FBXL7: variants seen among roughly 807,000 people sequenced by gnomAD.
FBXL7 encodes F-box and leucine rich repeat protein 7, also known as F-box/LRR-repeat protein 7.
FBXL7 carries 12 observed loss-of-function variants against 38.3 expected under a neutral mutation model. That is an observed-to-expected ratio of 0.31 (90% CI 0.20 to 0.51). The LOEUF is 0.51. Ranked by LOEUF, FBXL7 falls within the 20% of genes least tolerant of loss-of-function variation. The probability of loss-of-function intolerance (pLI) is 0.98; values close to 1 mark genes in which losing one functional copy is unlikely to be tolerated. For synonymous variants in FBXL7, 297 were observed against 300.9 expected (o/e 0.99, Z 0.13); for missense variants, 567 against 676.4 (o/e 0.84, Z 1.79).
chr5:15,687,305 T>C (rs1743042390), intron 2 of FBXL7, among the ~76,000 whole-genome samples: 2 of 152,248 alleles, frequency 1.3e-5, no homozygotes, highest in South Asian at 4.1e-4. Flanking sequence ...ACATCTGAGC[T>C]TAACTCTTGG....
chr5:15,878,263 A>G (rs886135498), intron 2 of FBXL7, among the ~76,000 whole-genome samples: 11 of 152,194 alleles, frequency 7.2e-5, no homozygotes, highest in Non-Finnish European at 2.9e-5. Context: ...GCTATAATGG[A>G]AGCTGTTTAG....
chr5:15,511,623 A>G (rs1207344555), intron 1 of FBXL7, among the ~76,000 whole-genome samples: 5 of 152,242 alleles, frequency 3.3e-5, no homozygotes, highest in Non-Finnish European at 5.9e-5. Context: ...AGGCTTCTCC[A>G]TGATTATTTT....
intron 1 of FBXL7, among the ~76,000 whole-genome samples, chr5:15,568,167 G>A (rs1305010959): frequency 9.2e-5 from 14 of 151,722 alleles, no homozygotes; most frequent in Admixed American, 2.6e-4. Context: ...CTGAGGAATC[G>A]CCACACTGAC....
chr5:15,919,955 T>A lies in FBXL7; in HGVS notation c.128-7935T>A, dbSNP rs1311072558. 4.0e-5 allele frequency among the ~76,000 whole-genome samples: 6 copies of A among 151,670 alleles called. No individual in the cohort carries two copies. The East Asian group carries it at 1.2e-3, about 29-fold the overall frequency. On this transcript the variant is annotated intron_variant, in intron 2 of 3. Coordinates refer to ENST00000504595, the MANE Select transcript of FBXL7 (RefSeq NM_012304.5). ...ATGGGACCATGGTGCAGAAAGGAGG[T>A]GGGGTAAAAATATTTGCTTTAGGCC...
intron 2 of FBXL7, among the ~76,000 whole-genome samples, chr5:15,666,396 A>T (rs1383772844): frequency 1.3e-5 from 2 of 152,212 alleles, no homozygotes; most frequent in Non-Finnish European, 2.9e-5. Flanking sequence ...TATATTTACA[A>T]ACTATATTTA....
intron 2 of FBXL7, among the ~76,000 whole-genome samples, chr5:15,860,977 C>T (rs1055659202): frequency 6.6e-6 from 1 of 152,182 alleles, no homozygotes; most frequent in African/African-American, 2.4e-5. Context: ...AGGCTGTCTG[C>T]ACCACACTTT....
chr5:15,885,447 A>T (rs1740637333), intron 2 of FBXL7, among the ~76,000 whole-genome samples: 1 of 152,200 alleles, frequency 6.6e-6, no homozygotes, highest in South Asian at 2.1e-4. Context: ...ACTCCAGGGG[A>T]TGTGATTACA....
chr5:15,809,097 T>C (rs1172713957), intron 2 of FBXL7, among the ~76,000 whole-genome samples: 4 of 152,152 alleles, frequency 2.6e-5, no homozygotes, highest in African/African-American at 7.2e-5. Flanking sequence ...CCACCAATCA[T>C]CATCATGGGA....
chr5:15,932,311 G>A (rs1386477595), intron 3 of FBXL7, among the ~76,000 whole-genome samples: 1 of 152,166 alleles, frequency 6.6e-6, no homozygotes, highest in East Asian at 1.9e-4. Flanking sequence ...CATTGTCGTT[G>A]TATTGTCCTT....
At chr5:15,902,997 G>A (rs926747169) in intron 2 of FBXL7, among the ~76,000 whole-genome samples, 4 of 152,222 alleles carry the variant, frequency 2.6e-5, no homozygotes, top group Non-Finnish European at 5.9e-5. Flanking sequence ...CTGCAAAAGT[G>A]CTTGGGCAGG....
chr5:15,654,726 T>C (rs1178095341), intron 2 of FBXL7, among the ~76,000 whole-genome samples: 1 of 152,182 alleles, frequency 6.6e-6, no homozygotes, highest in Non-Finnish European at 1.5e-5. Flanking sequence ...ATGAGAGATA[T>C]TGTCCAACAT....
chr5:15,770,344 A>G (rs1314054778), intron 2 of FBXL7, among the ~76,000 whole-genome samples: 2 of 152,188 alleles, frequency 1.3e-5, no homozygotes, highest in African/African-American at 4.8e-5. Flanking sequence ...CTTGCCAAGA[A>G]GATAAAGTGA....
chr5:15,688,922 G>A (rs57092120), intron 2 of FBXL7, among the ~76,000 whole-genome samples: 3,901 of 152,266 alleles, frequency 0.026, 100 homozygotes, highest in South Asian at 0.075. Context: ...GGGTGGGAGA[G>A]GAGGAACCCT....
intron 2 of FBXL7, among the ~76,000 whole-genome samples, chr5:15,670,520 G>C (rs896467992): frequency 6.6e-6 from 1 of 152,120 alleles, no homozygotes; most frequent in Admixed American, 6.5e-5. Flanking sequence ...AGTGGAATAG[G>C]CCAGGCGTGG....
intron 2 of FBXL7, among the ~76,000 whole-genome samples, chr5:15,745,319 A>G (rs959728494): frequency 3.6e-4 from 55 of 152,332 alleles, no homozygotes; most frequent in African/African-American, 1.3e-3. Flanking sequence ...CTTTGTATTC[A>G]TGAACATGCT....
intron 2 of FBXL7, among the ~76,000 whole-genome samples, chr5:15,661,864 C>T (rs750726296): frequency 1.3e-5 from 2 of 152,126 alleles, no homozygotes; most frequent in African/African-American, 4.8e-5. Flanking sequence ...AGACATGATC[C>T]TGTTCTTTTT....
intron 2 of FBXL7, among the ~76,000 whole-genome samples, chr5:15,619,911 T>G (rs1740571674): frequency 6.6e-6 from 1 of 152,132 alleles, no homozygotes; most frequent in South Asian, 2.1e-4. Context: ...CACACAGGTG[T>G]TGTCACTTCG....
intron 2 of FBXL7, among the ~76,000 whole-genome samples, chr5:15,704,641 C>G (rs1743626246): frequency 6.6e-6 from 1 of 152,174 alleles, no homozygotes; most frequent in African/African-American, 2.4e-5. Context: ...CTGTTTCATT[C>G]TTTTGTTGGA....
chr5:15,829,080 G>A (rs927789710), intron 2 of FBXL7, among the ~76,000 whole-genome samples: 5 of 152,102 alleles, frequency 3.3e-5, no homozygotes, highest in Non-Finnish European at 5.9e-5. Context: ...TCACTGCCCC[G>A]CATTATTAGG....
Sources: allele counts gnomAD v4.1 joint callset (sites outside exome capture counted in the v4.1 genomes callset), GRCh38; gene constraint gnomAD v4.1.1; transcripts MANE v1.5; gene names NCBI Gene and HGNC (gene_info 2026-07-23, HGNC 2026-07-21).